Variants in MAP1LC3B2 observed in about 807,000 individuals in gnomAD.
MAP1LC3B2 encodes the protein microtubule associated protein 1 light chain 3 beta 2.
For synonymous variants in MAP1LC3B2, 62 were observed against 57.8 expected (o/e 1.07, Z -0.33); for missense variants, 155 against 154.6 (o/e 1.00, Z -0.01).
chr12:116,573,208 G>A (rs959829202), intron 1 of MAP1LC3B2, among the ~76,000 whole-genome samples: 2 of 152,178 alleles, frequency 1.3e-5, no homozygotes, highest in African/African-American at 4.8e-5. Flanking sequence ...ACAGGCATGA[G>A]CTACGGTGCC....
chr12:116,560,314 T>C (rs1427469504), intron 1 of MAP1LC3B2, among the ~76,000 whole-genome samples: 1 of 150,560 alleles, frequency 6.6e-6, no homozygotes, highest in East Asian at 2.0e-4. Flanking sequence ...AGTGGCGCGC[T>C]CTCGGCTCGC....
intron 1 of MAP1LC3B2, among the ~76,000 whole-genome samples, chr12:116,560,913 T>C (rs958075459): frequency 6.6e-6 from 1 of 151,572 alleles, no homozygotes; most frequent in African/African-American, 2.4e-5. Flanking sequence ...GGCCAGGAGT[T>C]CAAGACCAGC....
At chr12:116,563,988 TC>T (rs765115569) in intron 1 of MAP1LC3B2, among the ~76,000 whole-genome samples, 18 of 152,146 alleles carry the variant, frequency 1.2e-4, no homozygotes, top group Non-Finnish European at 2.5e-4. Flanking sequence ...CAAGCAATTC[TC>T]CCACCTCAGC....
At chr12:116,574,674 A>C (rs534887154) in intron 1 of MAP1LC3B2, among the ~76,000 whole-genome samples, 1 of 151,786 alleles carries the variant, frequency 6.6e-6, no homozygotes, top group Non-Finnish European at 1.5e-5. Flanking sequence ...AAAGCATACA[A>C]ACACACATAC....
rs1566022614 is a variant in MAP1LC3B2 at position 116,560,238 on chromosome 12, A to ATATGTATGTATG, written c.-102+816_-102+817insGTATGTATGTAT. ...TATATATATATATATATATATATAT[A>ATATGTATGTATG]TATGTATGTATATGTATATATATAT... On this transcript the variant is annotated intron_variant, in intron 1 of 1. Transcript: ENST00000556529. Among the ~76,000 whole-genome samples, 9 of 106,354 alleles carry ATATGTATGTATG rather than the reference A, an allele frequency of 8.5e-5. No individual in the cohort carries two copies. In the South Asian group the frequency reaches 9.4e-4, roughly 11 times the overall value. The allele number at this position is 106,354 out of a possible 152,430, so 69.8% of individuals were successfully genotyped here.
intron 1 of MAP1LC3B2, among the ~76,000 whole-genome samples, chr12:116,574,569 C>T (rs1339635281): frequency 1.3e-5 from 2 of 151,840 alleles, no homozygotes; most frequent in African/African-American, 2.4e-5. Context: ...TTGCTTGAGT[C>T]CAGGAGGTCA....
chr12:116,566,616 TA>T lies in MAP1LC3B2; in HGVS notation c.-102+7206del, dbSNP rs58530141. Among the ~76,000 whole-genome samples, 448 of 91,628 alleles carry T rather than the reference TA, an allele frequency of 4.9e-3. 3 individuals carry two copies. The highest frequency in any genetic ancestry group is 0.015 in the Middle Eastern group (2 of 136). The allele number at this position is 91,628 out of a possible 152,430, so 60.1% of individuals were successfully genotyped here. ...GTACGTGGAACTGTGAGTCAGTGAT[TA>T]AAAAAAAAAAAAAAAAAAAAAACAA... On this transcript the variant is annotated intron_variant, in intron 1 of 1. Coordinates refer to ENST00000556529, the MANE Select transcript of MAP1LC3B2 (RefSeq NM_001085481.3).
intron 1 of MAP1LC3B2, among the ~76,000 whole-genome samples, chr12:116,570,392 G>A (rs1201885033): frequency 6.6e-6 from 1 of 152,198 alleles, no homozygotes; most frequent in Non-Finnish European, 1.5e-5. Context: ...TTGCCCAACT[G>A]TAGGTTAATA....
At chr12:116,575,281 TA>T (rs1339937754) in intron 1 of MAP1LC3B2, among the ~76,000 whole-genome samples, 1 of 152,166 alleles carries the variant, frequency 6.6e-6, no homozygotes, top group African/African-American at 2.4e-5. Flanking sequence ...TATGTTTTTG[TA>T]AATGAAGAAA....
In MAP1LC3B2 at chr12:116,560,403, C is replaced by T. The variant is rs185228861; in HGVS notation, c.-102+970C>T. 6.2e-3 allele frequency among the ~76,000 whole-genome samples: 937 copies of T among 151,794 alleles called. 26 individuals are homozygous for T. Among genetic ancestry groups the T allele is most frequent in the Non-Finnish European group, 3.6e-3 (245 of 67,930 alleles). ...AGCTGGGATTACAGGTGCGCCACCA[C>T]GCCCAGCTAATTTTTGTATTTTTAG... On this transcript the variant is annotated intron_variant, in intron 1 of 1. Coordinates refer to ENST00000556529, the MANE Select transcript of MAP1LC3B2 (RefSeq NM_001085481.3).
chr12:116,560,238 A>ATGTATG (rs1230708754), intron 1 of MAP1LC3B2, among the ~76,000 whole-genome samples: 15 of 106,354 alleles, frequency 1.4e-4, no homozygotes, highest in African/African-American at 5.3e-4. Context: ...ATATATATAT[A>ATGTATG]TATGTATGTA....
Position 116,576,269 on chromosome 12 carries a change from G to A in MAP1LC3B2, c.327G>A (p.Leu109=). 6.2e-7 allele frequency: 1 copy of A among 1,614,126 alleles called. No individual in the cohort carries two copies. Among genetic ancestry groups the A allele is most frequent in the African/African-American group, 1.3e-5 (1 of 74,996 alleles). Residue 109 remains leucine (L), a synonymous_variant, in exon 2 of 2, where the codon CTG becomes CTA. Transcript: ENST00000556529. The part of the protein sequence containing the change: ...YESEKDEDGF[L]YMVCASQETF... ...GTGAGAAAGATGAAGATGGATTCCTGTACATGGTCTGTGCCTCCCAGGAGA... is the reference window on the plus strand; with the variant it reads ...GTGAGAAAGATGAAGATGGATTCCTATACATGGTCTGTGCCTCCCAGGAGA...
At chr12:116,560,238 A>ATATATG (rs1566022618) in intron 1 of MAP1LC3B2, among the ~76,000 whole-genome samples, 3 of 106,350 alleles carry the variant, frequency 2.8e-5, no homozygotes, top group South Asian at 3.1e-4. Context: ...ATATATATAT[A>ATATATG]TATGTATGTA....
chr12:116,569,407 C>T (rs1869471839), intron 1 of MAP1LC3B2, among the ~76,000 whole-genome samples: 1 of 152,164 alleles, frequency 6.6e-6, no homozygotes, highest in Admixed American at 6.5e-5. Context: ...TTTAAACATA[C>T]CTCTCTTACT....
intron 1 of MAP1LC3B2, among the ~76,000 whole-genome samples, chr12:116,569,945 T>C (rs1869486676): frequency 6.6e-6 from 1 of 151,922 alleles, no homozygotes; most frequent in Admixed American, 6.6e-5. Flanking sequence ...TCCCAGCTAC[T>C]TGGGAGGCTG....
At chr12:116,569,930 T>A (rs2136962334) in intron 1 of MAP1LC3B2, among the ~76,000 whole-genome samples, 1 of 152,230 alleles carries the variant, frequency 6.6e-6, no homozygotes, top group South Asian at 2.1e-4. Flanking sequence ...GGCACGCACC[T>A]GTAGTCCCAG....
At chr12:116,564,639 T>C (rs1021689810) in intron 1 of MAP1LC3B2, among the ~76,000 whole-genome samples, 1 of 152,246 alleles carries the variant, frequency 6.6e-6, no homozygotes, top group Non-Finnish European at 1.5e-5. Context: ...CAGTCTTGTA[T>C]CATTTTACCC....
At chr12:116,560,365 C>A (rs1181108766) in intron 1 of MAP1LC3B2, among the ~76,000 whole-genome samples, 1 of 151,660 alleles carries the variant, frequency 6.6e-6, no homozygotes, top group African/African-American at 2.4e-5. Flanking sequence ...TCTCCTGCCT[C>A]AGCCTTCCGA....
chr12:116,565,370 AAG>A (rs1381644554), intron 1 of MAP1LC3B2, among the ~76,000 whole-genome samples: 1 of 152,244 alleles, frequency 6.6e-6, no homozygotes, highest in Non-Finnish European at 1.5e-5. Context: ...GAGGCAGGAA[AAG>A]AGAGAATGAG....
Sources: gnomAD v4.1 joint callset for allele counts (sites outside exome capture counted in the v4.1 genomes callset) on GRCh38, gnomAD v4.1.1 for gene constraint, MANE v1.5 for transcripts, NCBI Gene and HGNC (gene_info 2026-07-23, HGNC 2026-07-21) for gene names.